Variants in SLC15A1 observed in about 807,000 individuals in gnomAD.
SLC15A1 encodes solute carrier family 15 member 1.
Under a neutral mutation model 92.9 loss-of-function variants are expected in SLC15A1, and 83 were observed. The ratio of observed to expected loss-of-function variants is 0.89; its 90% CI spans 0.75 to 1.07. The LOEUF is 1.07. Among genes scored for constraint, SLC15A1 ranks in the 50% least tolerant of loss-of-function variants. The pLI is 0.00. For missense variants in SLC15A1, 857 were observed against 880.1 expected (o/e 0.97, Z 0.33); for synonymous variants, 322 against 318.2 (o/e 1.01, Z -0.13).
intron 18 of SLC15A1, among the ~76,000 whole-genome samples, chr13:98,696,702 C>T (rs1184042776): frequency 6.6e-6 from 1 of 152,038 alleles, no homozygotes; most frequent in Non-Finnish European, 1.5e-5. Context: ...GTGTGGGGGA[C>T]AGGAATGATC....
chr13:98,715,174 C>T (rs1370155753), intron 9 of SLC15A1, among the ~76,000 whole-genome samples: 2 of 151,924 alleles, frequency 1.3e-5, no homozygotes, highest in African/African-American at 4.8e-5. Context: ...ATATTTTTTT[C>T]TTACTCTAGT....
chr13:98,697,013 C>T (rs1384274793), intron 18 of SLC15A1, among the ~76,000 whole-genome samples: 1 of 152,062 alleles, frequency 6.6e-6, no homozygotes, highest in Non-Finnish European at 1.5e-5. Context: ...GCATCCTGAT[C>T]TTACACTTCC....
intron 1 of SLC15A1, among the ~76,000 whole-genome samples, chr13:98,732,614 G>A (rs776430437): frequency 2.0e-5 from 3 of 152,088 alleles, no homozygotes; most frequent in Admixed American, 1.3e-4. Context: ...TAACTTTGAA[G>A]TCTTATTACC....
At chr13:98,732,802 G>T (rs934333907) in intron 1 of SLC15A1, among the ~76,000 whole-genome samples, 2 of 152,158 alleles carry the variant, frequency 1.3e-5, no homozygotes, top group South Asian at 4.1e-4. Context: ...AAGGAATACT[G>T]TAAGTTTCAC....
At position 98,730,604 on chromosome 13, in the gene SLC15A1, A is replaced by G. The variant is rs2088342986; in HGVS notation, c.5-3745T>C. ...CCAGCCGAACAACCAAATGAGGATG[A>G]CCTCCGCCCTGCGGGGTTGCTGGAA... is the stretch of plus-strand genomic sequence containing the variant. On this transcript the variant is annotated intron_variant, in intron 1 of 22. Transcript: ENST00000376503. 2.0e-5 allele frequency among the ~76,000 whole-genome samples: 3 copies of G among 152,064 alleles called. No individual in the cohort carries two copies. In the South Asian group the frequency reaches 6.2e-4, roughly 32 times the overall value.
At chr13:98,710,808 CAAAAAA>C (rs4646225) in intron 11 of SLC15A1, among the ~76,000 whole-genome samples, 15 of 71,676 alleles carry the variant, frequency 2.1e-4, no homozygotes, top group Non-Finnish European at 3.0e-4. Flanking sequence ...ACTCTTGACT[CAAAAAA>C]AAAAAAAAAA....
At chr13:98,702,195 C>T (rs780302353) in intron 18 of SLC15A1, among the ~76,000 whole-genome samples, 9 of 152,106 alleles carry the variant, frequency 5.9e-5, no homozygotes, top group Non-Finnish European at 1.2e-4. Flanking sequence ...AGGAAGTTCC[C>T]TTCTATTCCC....
At chr13:98,710,111 T>C (rs2088149322) in intron 11 of SLC15A1, among the ~76,000 whole-genome samples, 200 bp from the exon 12 acceptor site, 1 of 152,104 alleles carries the variant, frequency 6.6e-6, no homozygotes, top group Admixed American at 6.5e-5. Context: ...AGCGTACGAG[T>C]GAACACAATA....
rs8187840 is a variant in SLC15A1, at chr13:98,686,277, C to T, written c.1848G>A (p.Ser616=). Residue 616 remains serine, a synonymous_variant, in exon 22 of 23, where the codon TCG becomes TCA. Coordinates refer to ENST00000376503, the MANE Select transcript of SLC15A1 (RefSeq NM_005073.4). ...TCAGCAGCCATCCTGCCTGAAGCAC[C>T]GACTTCATGTTGGAAGGAGCCTGAG... ...SYSQAPSNMK[S]VLQAGWLLTV... 0.02 allele frequency: 32,360 copies of T among 1,611,660 alleles called. 416 individuals are homozygous for T. Among genetic ancestry groups the T allele is most frequent in the Non-Finnish European group, 0.024 (28,267 of 1,178,904 alleles).
chr13:98,693,397 C>T (rs2087998087), intron 18 of SLC15A1, among the ~76,000 whole-genome samples: 1 of 152,122 alleles, frequency 6.6e-6, no homozygotes, highest in Admixed American at 6.6e-5. Flanking sequence ...TGCGACTGGC[C>T]TATTGCCTAT....
intron 1 of SLC15A1, among the ~76,000 whole-genome samples, chr13:98,730,490 C>T (rs1020406189): frequency 5.3e-5 from 8 of 152,186 alleles, no homozygotes; most frequent in African/African-American, 1.9e-4. Flanking sequence ...GGCAATACAC[C>T]AAGAGCGAGG....
intron 9 of SLC15A1, among the ~76,000 whole-genome samples, chr13:98,714,519 G>A (rs1309121381): frequency 3.9e-5 from 6 of 151,922 alleles, no homozygotes; most frequent in Non-Finnish European, 7.4e-5. Flanking sequence ...GCCAGGTGTG[G>A]TGGTGTGTGC....
chr13:98,703,202 G>A (rs1337015684), intron 17 of SLC15A1, among the ~76,000 whole-genome samples: 62 of 149,910 alleles, frequency 4.1e-4, no homozygotes, highest in Non-Finnish European at 1.5e-5. Context: ...GGGAGGGAAG[G>A]AAGGAAAGGA....
intron 16 of SLC15A1, 88 bp from the exon 17 acceptor site, chr13:98,704,523 C>A: frequency 1.5e-6 from 2 of 1,338,976 alleles, no homozygotes; most frequent in Non-Finnish European, 2.0e-6. Flanking sequence ...ATCTGATATT[C>A]TGCATTTCCA....
At chr13:98,709,832 G>A in intron 12 of SLC15A1, 35 bp downstream of exon 12, 3 of 1,614,024 alleles carry the variant, frequency 1.9e-6, no homozygotes, top group South Asian at 1.1e-5. Flanking sequence ...AGAAGAAAGG[G>A]GACAAAGAAA....
intron 18 of SLC15A1, among the ~76,000 whole-genome samples, chr13:98,692,967 G>A (rs1352622642): frequency 1.3e-5 from 2 of 151,904 alleles, no homozygotes; most frequent in African/African-American, 4.8e-5. Context: ...TTGAAATCCT[G>A]GGTTCAAGCA....
At chr13:98,718,262 T>C (rs1176466264) in intron 8 of SLC15A1, among the ~76,000 whole-genome samples, 1 of 147,040 alleles carries the variant, frequency 6.8e-6, no homozygotes, top group Non-Finnish European at 1.5e-5. Flanking sequence ...GCTTTTAGCC[T>C]TGGGTTCAGC....
At chr13:98,707,070 T>G (rs995021460) in intron 15 of SLC15A1, among the ~76,000 whole-genome samples, 49 of 152,310 alleles carry the variant, frequency 3.2e-4, no homozygotes, top group African/African-American at 1.1e-3. Flanking sequence ...ATACCTTTGT[T>G]CAGAGTTTTT....
At chr13:98,739,314 C>T (rs1048474420) in intron 1 of SLC15A1, among the ~76,000 whole-genome samples, 1 of 152,126 alleles carries the variant, frequency 6.6e-6, no homozygotes, top group Admixed American at 6.5e-5. Flanking sequence ...GGAAGGCATG[C>T]TTGTATTTTG....
Sources: allele counts gnomAD v4.1 joint callset (sites outside exome capture counted in the v4.1 genomes callset), GRCh38; gene constraint gnomAD v4.1.1; transcripts MANE v1.5; gene names NCBI Gene and HGNC (gene_info 2026-07-23, HGNC 2026-07-21).